Variants in GRIK4 observed in about 807,000 individuals in gnomAD.
GRIK4 encodes the protein glutamate receptor ionotropic, kainate 4.
Under a neutral mutation model 104.9 loss-of-function variants are expected in GRIK4, and 40 were observed. The observed-to-expected ratio is 0.38, with a 90% CI of 0.30 to 0.50. The LOEUF is 0.50. GRIK4 is among the 20% of genes least tolerant of loss of function. GRIK4 has a pLI of 0.93. For missense variants in GRIK4, 1,047 were observed against 1,308.1 expected, an observed-to-expected ratio of 0.80 and a Z score of 3.08; for synonymous variants, 485 against 524.9, an observed-to-expected ratio of 0.92 and a Z score of 1.04.
intron 1 of GRIK4, among the ~76,000 whole-genome samples, chr11:120,597,223 C>T (rs1461978841): frequency 3.3e-5 from 5 of 152,250 alleles, no homozygotes; most frequent in Non-Finnish European, 5.9e-5. Context: ...TGCGGGGCCG[C>T]TCCCTCTCCA....
At chr11:120,857,502 GCACA>G (rs60629273) in intron 8 of GRIK4, among the ~76,000 whole-genome samples, 70,069 of 149,932 alleles carry the variant, frequency 0.47, 16,974 homozygotes, top group African/African-American at 0.59. Context: ...ATGCACACAT[GCACA>G]CACACACACA....
intron 1 of GRIK4, among the ~76,000 whole-genome samples, chr11:120,600,935 A>G (rs1031259895): frequency 4.6e-5 from 7 of 151,920 alleles, no homozygotes; most frequent in Admixed American, 1.3e-4. Flanking sequence ...ATGCGCCTGT[A>G]GTTCCAGCTA....
chr11:120,804,804 G>T (rs138100150), intron 4 of GRIK4, among the ~76,000 whole-genome samples: 2 of 152,262 alleles, frequency 1.3e-5, no homozygotes, highest in East Asian at 3.9e-4. Context: ...TTGCAGTGTG[G>T]CCAGTCTCAC....
intron 20 of GRIK4, among the ~76,000 whole-genome samples, chr11:120,982,608 T>A (rs645545): frequency 0.18 from 28,046 of 152,132 alleles, 2,690 homozygotes; most frequent in East Asian, 0.27. Flanking sequence ...ATTCCCCAGC[T>A]GTGGCTTAGA....
chr11:120,783,839 T>C (rs1268319941), intron 3 of GRIK4, among the ~76,000 whole-genome samples: 1 of 152,194 alleles, frequency 6.6e-6, no homozygotes, highest in Non-Finnish European at 1.5e-5. Context: ...GGCGGGTTAG[T>C]GTCCAGGAAA....
chr11:120,705,310 CT>C (rs1015295235), intron 3 of GRIK4, among the ~76,000 whole-genome samples: 30 of 151,476 alleles, frequency 2.0e-4, no homozygotes, highest in Admixed American at 3.3e-4. Context: ...CGGCTCACTA[CT>C]GCCTCCTGGG....
At chr11:120,639,614 G>A (rs148274147) in intron 1 of GRIK4, among the ~76,000 whole-genome samples, 6 of 152,224 alleles carry the variant, frequency 3.9e-5, no homozygotes, top group African/African-American at 9.6e-5. Flanking sequence ...ATTCCTCCAC[G>A]ACCCACATCT....
Position 120,660,284 on chromosome 11 carries a change from AG to A in GRIK4, c.-33del. ...TCTCTCGCAGAGTTATGTCATGCCC[AG>A]GCCAGCAGGGGGCTCCATGAGGATT... On this transcript the variant is annotated 5_prime_UTR_variant, in exon 3 of 21. The change abolishes the stop of an existing upstream ORF in the 5' untranslated region. Coordinates refer to ENST00000527524, the MANE Select transcript of GRIK4 (RefSeq NM_014619.5). The A allele has an allele frequency of 6.6e-7, 1 of 1,519,432 alleles. No homozygotes were observed. 94.1% of individuals were successfully genotyped at this position (1,519,432 alleles called of 1,614,324 possible). A position where few individuals can be genotyped will look rare whatever the true frequency, so the allele number is the denominator to read the frequency against.
At chr11:120,627,198 A>C (rs1005495962) in intron 1 of GRIK4, among the ~76,000 whole-genome samples, 1 of 152,224 alleles carries the variant, frequency 6.6e-6, no homozygotes, top group Non-Finnish European at 1.5e-5. Context: ...ATGTTGGTTG[A>C]TGATAAACAT....
chr11:120,926,613 T>C (rs1400771938), intron 13 of GRIK4, among the ~76,000 whole-genome samples: 1 of 152,228 alleles, frequency 6.6e-6, no homozygotes. Flanking sequence ...AACATTCTAC[T>C]ACAAAATCGT....
At chr11:120,634,580 A>T (rs7101843) in intron 1 of GRIK4, among the ~76,000 whole-genome samples, 10,573 of 151,310 alleles carry the variant, frequency 0.07, 428 homozygotes, top group South Asian at 0.14. Context: ...CCTACCCCAG[A>T]CTCTTCAGAG....
At chr11:120,692,552 G>C (rs1460311550) in intron 3 of GRIK4, among the ~76,000 whole-genome samples, 1 of 152,120 alleles carries the variant, frequency 6.6e-6, no homozygotes, top group Non-Finnish European at 1.5e-5. Flanking sequence ...AGGCAGAAGT[G>C]GTTTTTGAGA....
intron 13 of GRIK4, among the ~76,000 whole-genome samples, chr11:120,910,891 G>A (rs1565433624): frequency 6.6e-6 from 1 of 152,198 alleles, no homozygotes; most frequent in African/African-American, 2.4e-5. Flanking sequence ...AATCTTTAAG[G>A]ATGAAGAGAC....
At chr11:120,771,193 A>C (rs562004223) in intron 3 of GRIK4, among the ~76,000 whole-genome samples, 2 of 152,220 alleles carry the variant, frequency 1.3e-5, no homozygotes, top group Non-Finnish European at 2.9e-5. Context: ...AGAAAACTTC[A>C]GTCTTTGTAG....
chr11:120,819,960 T>G lies in GRIK4; in HGVS notation c.511+40T>G. The G allele has an allele frequency of 6.3e-7, 1 of 1,597,248 alleles. No individual in the cohort carries two copies. The highest frequency in any genetic ancestry group is 1.3e-5 in the African/African-American group (1 of 74,660). ...GCTGGCTCTGCCCCAGACAGTCCAGTCTTGTTGATTTTGCCCTGATTCCCT... is the reference window on the plus strand; with the variant it reads ...GCTGGCTCTGCCCCAGACAGTCCAGGCTTGTTGATTTTGCCCTGATTCCCT... On this transcript the variant is annotated intron_variant, in intron 6 of 20. Coordinates refer to ENST00000527524, the MANE Select transcript of GRIK4 (RefSeq NM_014619.5). This position sits in a 1 kb window ranked among gnomAD's most constrained non-coding sequence, Gnocchi z 4.3.
At chr11:120,601,950 AGGC>A (rs1948893395) in intron 1 of GRIK4, among the ~76,000 whole-genome samples, 1 of 152,098 alleles carries the variant, frequency 6.6e-6, no homozygotes, top group African/African-American at 2.4e-5. Context: ...GGGGAACCCT[AGGC>A]TATCAGTGAC....
At chr11:120,821,789 G>A (rs1311792402) in intron 6 of GRIK4, among the ~76,000 whole-genome samples, 2 of 152,214 alleles carry the variant, frequency 1.3e-5, no homozygotes, top group Non-Finnish European at 2.9e-5. Flanking sequence ...AGGCGTCTTC[G>A]AGCATCTCCT....
intron 13 of GRIK4, among the ~76,000 whole-genome samples, chr11:120,929,331 C>A (rs1943430824): frequency 6.6e-6 from 1 of 152,140 alleles, no homozygotes; most frequent in East Asian, 1.9e-4. Context: ...GGGATGAGCC[C>A]TGCGGATGCT....
chr11:120,764,376 A>T (rs987121091), intron 3 of GRIK4, among the ~76,000 whole-genome samples: 11 of 152,098 alleles, frequency 7.2e-5, no homozygotes, highest in Middle Eastern at 3.2e-3. Context: ...CAGCACACCG[A>T]TGGGTCTTGA....
Sources: allele counts gnomAD v4.1 joint callset (sites outside exome capture counted in the v4.1 genomes callset), GRCh38; gene constraint gnomAD v4.1.1; non-coding constraint Gnocchi (gnomAD v3.1); transcripts MANE v1.5; gene names NCBI Gene and HGNC (gene_info 2026-07-23, HGNC 2026-07-21).